SHANK1: variants seen among roughly 807,000 people sequenced by gnomAD.
SHANK1 encodes the protein SH3 and multiple ankyrin repeat domains protein 1.
Under a neutral mutation model 165.6 loss-of-function variants are expected in SHANK1, and 35 were observed. The observed-to-expected ratio is 0.21, with a 90% CI of 0.16 to 0.28. The LOEUF (loss-of-function observed/expected upper bound fraction) is 0.28, where lower values mean the gene tolerates loss of function less well. SHANK1 is among the 10% of genes least tolerant of loss of function. SHANK1 has a pLI of 1.00. For synonymous variants in SHANK1, 1,428 were observed against 1,384.8 expected, an observed-to-expected ratio of 1.03 and a Z score of -0.69; for missense variants, 2,681 against 3,036.4, an observed-to-expected ratio of 0.88 and a Z score of 2.75.
In SHANK1 at chr19:50,668,548, G is replaced by T; in HGVS notation, c.3412C>A (p.Pro1138Thr). Reference sequence around the variant, plus strand: ...GCGGCCACGGCGGGCGGCGGCTGCGGGGAGGCCGGGGACGTGGGCGACGGC... The same window carrying T: ...GCGGCCACGGCGGGCGGCGGCTGCGTGGAGGCCGGGGACGTGGGCGACGGC... ...PAPSPTSPAS[P>T]QPPPAVAAPS... is the part of the protein sequence containing the mutation. The change falls in exon 23 of 24, where the codon CCG (proline) becomes ACG (threonine). Residue 1138 changes from proline to threonine, a missense_variant. Around this residue, in one of 10 missense-constraint regions of SHANK1, gnomAD observed 1,713 missense variants for 1,630.2 expected, o/e 1.05. Coordinates refer to ENST00000293441, the MANE Select transcript of SHANK1 (RefSeq NM_016148.5). The T allele has an allele frequency of 7.4e-7, 1 of 1,352,976 alleles. No individual in the cohort carries two copies. 83.8% of individuals were successfully genotyped at this position (1,352,976 alleles called of 1,614,324 possible).
intron 23 of SHANK1, among the ~76,000 whole-genome samples, chr19:50,665,737 T>TAAAAAAAAGAAAAAAAAAAAAAAA (rs1985465276): frequency 1.0e-5 from 1 of 98,180 alleles, no homozygotes; most frequent in African/African-American, 4.7e-5. Flanking sequence ...ACCCTGTTTC[T>TAAAAAAAAGAAAAAAAAAAAAAAA]AAAAAAAAAA....
chr19:50,668,938 C>G lies in SHANK1; in HGVS notation c.3022G>C (p.Ala1008Pro), dbSNP rs1985683427. ...TGGTGGTGGGGCTGAGGGGGCGGGG[C>G]GTGGTGGTGGTGGTGGTGGGGCGGG... Reference protein sequence around the residue: ...HHPPHHHHHHAPPPQPHHHHA... With the variant: ...HHPPHHHHHHPPPPQPHHHHA... The change falls in exon 23 of 24, where the codon GCC (alanine) becomes CCC (proline). Residue 1008 changes from alanine to proline, a missense_variant. Physicochemically the swap from Ala to Pro is conservative, Grantham distance 27. Coordinates refer to ENST00000293441, the MANE Select transcript of SHANK1 (RefSeq NM_016148.5). The G allele has an allele frequency of 9.5e-6, 2 of 210,576 alleles. No homozygotes were observed. Among genetic ancestry groups the G allele is most frequent in the East Asian group, 1.3e-4 (1 of 7,706 alleles). 13.0% of individuals were successfully genotyped at this position (210,576 alleles called of 1,614,324 possible). A position where few individuals can be genotyped will look rare whatever the true frequency, so the allele number is the denominator to read the frequency against.
chr19:50,685,776 C>A (rs1033045613), intron 21 of SHANK1, among the ~76,000 whole-genome samples: 1 of 151,978 alleles, frequency 6.6e-6, no homozygotes, highest in Non-Finnish European at 1.5e-5. Flanking sequence ...AATGCAGTGT[C>A]CCCCAAATTA....
At chr19:50,687,120 G>A (rs906810579) in intron 19 of SHANK1, 3 of 980,862 alleles carry the variant, frequency 3.1e-6, no homozygotes, top group Non-Finnish European at 4.2e-6. Context: ...CTGGAAGCCC[G>A]CCTCCCTCGG....
chr19:50,664,137 T>C (rs1427919101), intron 23 of SHANK1, among the ~76,000 whole-genome samples: 1 of 133,572 alleles, frequency 7.5e-6, no homozygotes, highest in Non-Finnish European at 1.6e-5. Flanking sequence ...TTTTTTTTTT[T>C]CAACCTGGGA....
At chr19:50,687,552 C>A in intron 19 of SHANK1, 30 bp downstream of exon 19, 1 of 1,533,278 alleles carries the variant, frequency 6.5e-7, no homozygotes, top group South Asian at 1.2e-5. Flanking sequence ...TCCCCCCGGC[C>A]CCCTGGCCTC....
At chr19:50,664,311 A>G (rs1183698521) in intron 23 of SHANK1, among the ~76,000 whole-genome samples, 1 of 152,124 alleles carries the variant, frequency 6.6e-6, no homozygotes, top group Non-Finnish European at 1.5e-5. Context: ...GCAGAAATGT[A>G]ACTCTACTTT....
At chr19:50,696,031 G>A (rs1986727896) in intron 15 of SHANK1, among the ~76,000 whole-genome samples, 1 of 152,142 alleles carries the variant, frequency 6.6e-6, no homozygotes, top group South Asian at 2.1e-4. Flanking sequence ...GGAGGCAGGA[G>A]GAGGGGAAGC....
rs1555738752 is a variant in SHANK1, at chr19:50,661,939, CG to C, written c.*25del. 1.9e-6 allele frequency: 3 copies of C among 1,611,756 alleles called. No individual in the cohort carries two copies. The highest frequency in any genetic ancestry group is 2.5e-6 in the Non-Finnish European group (3 of 1,178,970). On this transcript the variant is annotated 3_prime_UTR_variant, in exon 24 of 24. Transcript: ENST00000293441. ...CCAGCAGGCTCAAGAGTTCTGTGGACGGGGCTGGTCCGTCCAGGCCAGCCAT... is the reference window on the plus strand; with the variant it reads ...CCAGCAGGCTCAAGAGTTCTGTGGACGGGCTGGTCCGTCCAGGCCAGCCAT...
chr19:50,710,135 G>A (rs1025775893), intron 8 of SHANK1, among the ~76,000 whole-genome samples: 1 of 152,156 alleles, frequency 6.6e-6, no homozygotes, highest in Non-Finnish European at 1.5e-5. Flanking sequence ...TCAGCTGCAC[G>A]AGGGCCTGGG....
intron 7 of SHANK1, 97 bp from the exon 8 acceptor site, chr19:50,711,584 C>T (rs2089011449): frequency 1.2e-6 from 1 of 861,732 alleles, no homozygotes; most frequent in South Asian, 1.6e-5. Context: ...GCCTTCTCAT[C>T]CTATCGTTCA....
chr19:50,712,937 C>T (rs2089024726), intron 6 of SHANK1, among the ~76,000 whole-genome samples: 1 of 152,116 alleles, frequency 6.6e-6, no homozygotes, highest in African/African-American at 2.4e-5. Flanking sequence ...TAGCGCAGGT[C>T]TGGAGGCTGG....
At chr19:50,694,019 CCACACA>C (rs398034977) in intron 15 of SHANK1, among the ~76,000 whole-genome samples, 8,075 of 138,498 alleles carry the variant, frequency 0.058, 261 homozygotes, top group Non-Finnish European at 0.067. Context: ...CCAGCACACA[CCACACA>C]CACACACACA....
chr19:50,671,120 C>T (rs918860971), intron 22 of SHANK1, among the ~76,000 whole-genome samples: 1 of 150,528 alleles, frequency 6.6e-6, no homozygotes, highest in Non-Finnish European at 1.5e-5. Context: ...CAAACCTGCA[C>T]CCTGCCCCCT....
chr19:50,673,838 G>T (rs1233334002), intron 21 of SHANK1, among the ~76,000 whole-genome samples: 1 of 150,488 alleles, frequency 6.6e-6, no homozygotes, highest in East Asian at 1.9e-4. Context: ...TTTGAGACAG[G>T]GCTGGAGTGC....
At position 50,660,219 on chromosome 19, in the gene SHANK1, T is replaced by TAAGCGGAGAGAGGGAAC. The variant is rs1985147254; in HGVS notation, c.*1745_*1746insGTTCCCTCTCTCCGCTT. On this transcript the variant is annotated 3_prime_UTR_variant, in exon 24 of 24. Coordinates refer to ENST00000293441, the MANE Select transcript of SHANK1 (RefSeq NM_016148.5). ...GCTTAACATTCCCAAGCCCCGGGAA[T>TAAGCGGAGAGAGGGAAC]AAGCGGAGAGAGGAAGCGTGCGGGA... Among the ~76,000 whole-genome samples the TAAGCGGAGAGAGGGAAC allele has an allele frequency of 6.6e-6, 1 of 151,768 alleles. No homozygotes were observed. Among genetic ancestry groups the TAAGCGGAGAGAGGGAAC allele is most frequent in the Non-Finnish European group, 1.5e-5 (1 of 67,866 alleles).
In SHANK1 at chr19:50,666,655, G is replaced by C. The variant is rs1392161648; in HGVS notation, c.5305C>G (p.Arg1769Gly). The change falls in exon 23 of 24, where the codon CGG becomes GGG. Residue 1769 changes from arginine (R) to glycine (G), a missense_variant. By Grantham distance (125) the Arg-to-Gly change is moderately radical. This residue lies in a region of SHANK1 where 1,713 missense variants were observed against 1,630.2 expected (regional missense o/e 1.05). Coordinates refer to ENST00000293441, the MANE Select transcript of SHANK1 (RefSeq NM_016148.5). ...CGGAGTCCCCCGCTGGGGCCAGGCC[G>C]CAGGCCTCCGCTGGCTCCTAGCGCC... ...GRALGASGGL[R>G]PGPSGGLRDP... 4.4e-6 allele frequency: 7 copies of C among 1,589,602 alleles called. No individual in the cohort carries two copies. The East Asian group carries it at 1.4e-4, about 31-fold the overall frequency.
At chr19:50,665,797 G>A (rs1985472139) in intron 23 of SHANK1, among the ~76,000 whole-genome samples, 1 of 148,656 alleles carries the variant, frequency 6.7e-6, no homozygotes, top group African/African-American at 2.5e-5. Flanking sequence ...ACTTTGGGAG[G>A]CCAAGGCGGA....
chr19:50,718,853 A>C lies in SHANK1; in HGVS notation c.-44+553T>G, dbSNP rs1305364328. On this transcript the variant is annotated intron_variant, in intron 1 of 23. Transcript: ENST00000293441. The surrounding 1 kb of genome is among the most constrained non-coding windows in gnomAD (Gnocchi z 5.1). ...GAGCAGGAGTCGGGGGCGGGAGCCG[A>C]GGGGGCGCGCCGGCCGGCGGTGTAG... Among the ~76,000 whole-genome samples the C allele has an allele frequency of 2.8e-5, 3 of 107,940 alleles. No homozygotes were observed. Among genetic ancestry groups the C allele is most frequent in the South Asian group, 3.2e-4 (1 of 3,144 alleles). 70.8% of individuals were successfully genotyped at this position (107,940 alleles called of 152,430 possible). A position where few individuals can be genotyped will look rare whatever the true frequency, so the allele number is the denominator to read the frequency against.
Sources: allele counts gnomAD v4.1 joint callset (sites outside exome capture counted in the v4.1 genomes callset), GRCh38; gene constraint gnomAD v4.1.1; regional missense constraint gnomAD v4.1.1; non-coding constraint Gnocchi (gnomAD v3.1); transcripts MANE v1.5; gene names NCBI Gene and HGNC (gene_info 2026-07-23, HGNC 2026-07-21).